PRDM11: variants seen among roughly 807,000 people sequenced by gnomAD.
The protein encoded by PRDM11 is PR domain-containing protein 11.
A neutral mutation model predicts 97.8 loss-of-function variants in PRDM11; 20 were observed. That is an observed-to-expected ratio of 0.20 (90% confidence interval 0.14 to 0.30). The LOEUF (loss-of-function observed/expected upper bound fraction) is 0.30, where lower values mean the gene tolerates loss of function less well. Ranked by LOEUF, PRDM11 falls within the 10% of genes least tolerant of loss-of-function variation. The probability of loss-of-function intolerance (pLI) is 1.00; values close to 1 mark genes in which losing one functional copy is unlikely to be tolerated. For synonymous variants in PRDM11, 599 were observed against 637.7 expected (o/e 0.94, Z 0.91); for missense variants, 1,139 against 1,555.2 (o/e 0.73, Z 4.50).
At chr11:45,194,030 A>C (rs148716366) in intron 4 of PRDM11, among the ~76,000 whole-genome samples, 1 of 152,232 alleles carries the variant, frequency 6.6e-6, no homozygotes, top group Non-Finnish European at 1.5e-5. Context: ...CATTGGCTAC[A>C]TCAATTTCAC....
rs951771015 is a variant in PRDM11, at chr11:45,109,943, C to G, written c.96+14042C>G. On this transcript the variant is annotated intron_variant, in intron 1 of 6. Coordinates refer to the PRDM11 transcript ENST00000530656. ...CTCACAGTCACCACTCCTTTCAAAGCTGGAGGCACTGCAGCAGTGAGCAGG... is the reference window on the plus strand; with the variant it reads ...CTCACAGTCACCACTCCTTTCAAAGGTGGAGGCACTGCAGCAGTGAGCAGG... Among the ~76,000 whole-genome samples, 7 of 152,288 alleles carry G rather than the reference C, an allele frequency of 4.6e-5. No homozygotes were observed. In the South Asian group the frequency reaches 1.5e-3, roughly 32 times the overall value.
chr11:45,147,088 T>TG (rs1851531228), intron 1 of PRDM11, among the ~76,000 whole-genome samples: 1 of 146,308 alleles, frequency 6.8e-6, no homozygotes, highest in Non-Finnish European at 1.5e-5. Context: ...GCGAGGTGGG[T>TG]GAACCCTCGG....
chr11:45,169,725 G>T (rs1251662738), intron 1 of PRDM11, among the ~76,000 whole-genome samples: 1 of 36,448 alleles, frequency 2.7e-5, no homozygotes, highest in Non-Finnish European at 9.6e-5. Context: ...AACTCCCCCA[G>T]TGTCACACAG....
At chr11:45,177,942 CA>C (rs1475872890) in intron 1 of PRDM11, among the ~76,000 whole-genome samples, 1 of 152,062 alleles carries the variant, frequency 6.6e-6, no homozygotes, top group Non-Finnish European at 1.5e-5. Context: ...TAAAACATTG[CA>C]AATCTTTTGT....
At chr11:45,120,259 T>TA (rs993668855) in intron 1 of PRDM11, among the ~76,000 whole-genome samples, 5 of 152,150 alleles carry the variant, frequency 3.3e-5, no homozygotes, top group Admixed American at 1.3e-4. Context: ...AGTTCTAACA[T>TA]ACACATATGT....
intron 1 of PRDM11, among the ~76,000 whole-genome samples, chr11:45,172,470 T>A (rs1450197003): frequency 6.6e-6 from 1 of 152,106 alleles, no homozygotes; most frequent in Non-Finnish European, 1.5e-5. Context: ...TCAGGTATGA[T>A]CCGGTGGGGC....
intron 1 of PRDM11, among the ~76,000 whole-genome samples, chr11:45,128,331 G>T (rs979895864): frequency 6.6e-6 from 1 of 151,210 alleles, no homozygotes; most frequent in South Asian, 2.1e-4. Context: ...GCTTCGGCTC[G>T]CACACAGTGC....
chr11:45,188,347 C>T (rs1335006197), intron 4 of PRDM11, among the ~76,000 whole-genome samples: 1 of 152,218 alleles, frequency 6.6e-6, no homozygotes, highest in African/African-American at 2.4e-5. Flanking sequence ...AGTCATTCTG[C>T]ACAAAGCTAA....
At chr11:45,114,813 G>A (rs1419116197) in intron 1 of PRDM11, among the ~76,000 whole-genome samples, 1 of 151,874 alleles carries the variant, frequency 6.6e-6, no homozygotes, top group African/African-American at 2.4e-5. Flanking sequence ...TCTTTAATGT[G>A]CTGAAAGGGA....
chr11:45,119,825 G>A (rs1359249175), intron 1 of PRDM11, among the ~76,000 whole-genome samples: 1 of 152,004 alleles, frequency 6.6e-6, no homozygotes, highest in Admixed American at 6.6e-5. Context: ...GTCCTTCTAT[G>A]AGCAGCATCT....
chr11:45,124,185 A>G (rs1852511765), intron 1 of PRDM11, among the ~76,000 whole-genome samples: 1 of 151,618 alleles, frequency 6.6e-6, no homozygotes, highest in Middle Eastern at 3.2e-3. Context: ...TGATTTTTGT[A>G]CATTGATTTT....
In PRDM11 at chr11:45,109,862, A is replaced by G. The variant is rs181680878; in HGVS notation, c.96+13961A>G. Among the ~76,000 whole-genome samples, 253 of 152,226 alleles carry G rather than the reference A, an allele frequency of 1.7e-3. 3 individuals carry two copies. Among genetic ancestry groups the G allele is most frequent in the Admixed American group, 1.2e-3 (18 of 15,288 alleles). On this transcript the variant is annotated intron_variant, in intron 1 of 6. Transcript: ENST00000530656. The stretch of plus-strand genomic sequence containing the variant: ...CCCTTTCTGAGTCTCTGGTTCCATG[A>G]TACTCTCTAAGCCCTGTTCAGGGAT...
chr11:45,224,095 C>T, intron 6 of PRDM11, 122 bp from the exon 7 acceptor site: 1 of 1,234,664 alleles, frequency 8.1e-7, no homozygotes, highest in Non-Finnish European at 1.1e-6. Flanking sequence ...AACACTTGCC[C>T]CAAAAGCCCA....
chr11:45,169,344 G>A (rs1852145684), intron 1 of PRDM11, among the ~76,000 whole-genome samples: 1 of 152,208 alleles, frequency 6.6e-6, no homozygotes, highest in African/African-American at 2.4e-5. Flanking sequence ...CAGTCTAGGA[G>A]CATCAACTGT....
chr11:45,203,802 C>T (rs906884519), intron 4 of PRDM11, among the ~76,000 whole-genome samples: 11 of 151,718 alleles, frequency 7.3e-5, no homozygotes, highest in Admixed American at 5.3e-4. Context: ...TTTTGCCATA[C>T]GTGTTTAACA....
intron 1 of PRDM11, among the ~76,000 whole-genome samples, chr11:45,161,710 G>T (rs1851932812): frequency 6.6e-6 from 1 of 152,232 alleles, no homozygotes. Flanking sequence ...GGGCAAATTG[G>T]TGCAGCTGAT....
chr11:45,196,492 G>A (rs10769125), intron 4 of PRDM11, among the ~76,000 whole-genome samples: 87,660 of 151,962 alleles, frequency 0.58, 28,304 homozygotes, highest in Non-Finnish European at 0.74. Context: ...CTGCCCCCTA[G>A]ATAGGCAGCA....
intron 1 of PRDM11, among the ~76,000 whole-genome samples, chr11:45,096,813 C>G (rs749206717): frequency 2.6e-5 from 4 of 152,232 alleles, no homozygotes; most frequent in Non-Finnish European, 5.9e-5. Flanking sequence ...TGAGGACTGA[C>G]TCCTTCAGGA....
At chr11:45,119,420 G>C (rs993466562) in intron 1 of PRDM11, among the ~76,000 whole-genome samples, 1 of 152,070 alleles carries the variant, frequency 6.6e-6, no homozygotes. Flanking sequence ...GAGGTCAGGA[G>C]ATCGAGACCA....
Sources: allele counts gnomAD v4.1 joint callset (sites outside exome capture counted in the v4.1 genomes callset), GRCh38; gene constraint gnomAD v4.1.1; transcripts MANE v1.5; gene names NCBI Gene and HGNC (gene_info 2026-07-23, HGNC 2026-07-21).